Variants in HS3ST3B1 observed in about 807,000 individuals in gnomAD.
The protein encoded by HS3ST3B1 is heparan sulfate-glucosamine 3-sulfotransferase 3B1.
Under a neutral mutation model 21.3 loss-of-function variants are expected in HS3ST3B1, and 13 were observed. The observed-to-expected ratio is 0.61, with a 90% CI of 0.40 to 0.97. The LOEUF (loss-of-function observed/expected upper bound fraction) is 0.97, where lower values mean the gene tolerates loss of function less well. Among genes scored for constraint, HS3ST3B1 ranks in the 50% least tolerant of loss-of-function variants. The probability of loss-of-function intolerance (pLI) is 0.00; values close to 1 mark genes in which losing one functional copy is unlikely to be tolerated. For synonymous variants in HS3ST3B1, 234 were observed against 254.8 expected (o/e 0.92, Z 0.78); for missense variants, 459 against 554.8 (o/e 0.83, Z 1.73).
chr17:14,340,714 C>A (rs1015533498), intron 1 of HS3ST3B1, among the ~76,000 whole-genome samples: 3 of 152,126 alleles, frequency 2.0e-5, no homozygotes, highest in African/African-American at 7.2e-5. Context: ...TCCCGAGTAG[C>A]CAGGATTACA....
At chr17:14,326,026 TGTGTGTGTGCACGC>T (rs1909805516) in intron 1 of HS3ST3B1, among the ~76,000 whole-genome samples, 1 of 152,020 alleles carries the variant, frequency 6.6e-6, no homozygotes, top group African/African-American at 2.4e-5. Flanking sequence ...TGTGTACGTG[TGTGTGTGTGCACGC>T]ACGTGTGTGC....
intron 1 of HS3ST3B1, among the ~76,000 whole-genome samples, chr17:14,302,850 G>A (rs753335738): frequency 1.3e-5 from 2 of 152,242 alleles, no homozygotes; most frequent in Non-Finnish European, 2.9e-5. Flanking sequence ...TGCTGGGATA[G>A]GGAAAGCAAG....
chr17:14,332,198 C>G (rs756742737), intron 1 of HS3ST3B1, among the ~76,000 whole-genome samples: 39 of 152,092 alleles, frequency 2.6e-4, no homozygotes, highest in Non-Finnish European at 5.1e-4. Context: ...GTAGAAAGAG[C>G]CCAGGCTGTT....
intron 1 of HS3ST3B1, 65 bp downstream of exon 1, chr17:14,302,137 G>T (rs2142319219): frequency 3.3e-6 from 5 of 1,498,628 alleles, no homozygotes; most frequent in East Asian, 2.4e-5. Context: ...AGGGAGACAT[G>T]GCGTATGATA....
chr17:14,319,711 A>T (rs1358161933), intron 1 of HS3ST3B1, among the ~76,000 whole-genome samples: 6 of 152,118 alleles, frequency 3.9e-5, no homozygotes, highest in Non-Finnish European at 8.8e-5. Flanking sequence ...ACCAAGAGTG[A>T]GGGGGTAGAC....
intron 1 of HS3ST3B1, among the ~76,000 whole-genome samples, chr17:14,332,829 CTTTTT>C (rs71147859): frequency 0.03 from 2,768 of 91,094 alleles, 70 homozygotes; most frequent in South Asian, 0.12. Flanking sequence ...GACCTTTTAT[CTTTTT>C]TTTTTTTTTT....
At chr17:14,308,716 C>T (rs932244229) in intron 1 of HS3ST3B1, among the ~76,000 whole-genome samples, 2 of 152,134 alleles carry the variant, frequency 1.3e-5, no homozygotes, top group Admixed American at 1.3e-4. Flanking sequence ...GGTTTAACAT[C>T]AAGTTGATTG....
rs1910579661 is a variant in HS3ST3B1 at position 14,346,401 on chromosome 17, AC to A, written c.*757del. The A allele has an allele frequency of 6.6e-6, 1 of 151,828 alleles. No homozygotes were observed. The highest frequency in any genetic ancestry group is 2.1e-4 in the South Asian group (1 of 4,792). 9.4% of individuals were successfully genotyped at this position (151,828 alleles called of 1,614,324 possible). A position where few individuals can be genotyped will look rare whatever the true frequency, so the allele number is the denominator to read the frequency against. Reference sequence around the variant, plus strand: ...CAAGTATCTGGGATTACAGGCATGCACCACCATGCCTGGCTAATTTTGTATT... The same window carrying A: ...CAAGTATCTGGGATTACAGGCATGCACACCATGCCTGGCTAATTTTGTATT... On this transcript the variant is annotated 3_prime_UTR_variant, in exon 2 of 2. Coordinates refer to ENST00000360954, the MANE Select transcript of HS3ST3B1 (RefSeq NM_006041.3).
intron 1 of HS3ST3B1, among the ~76,000 whole-genome samples, chr17:14,333,856 G>A (rs775896254): frequency 2.0e-5 from 3 of 151,986 alleles, no homozygotes; most frequent in East Asian, 2.0e-4. Flanking sequence ...AACCTCTCCC[G>A]GGTTCAAGCG....
intron 1 of HS3ST3B1, among the ~76,000 whole-genome samples, chr17:14,309,489 C>A (rs1389453792): frequency 6.6e-6 from 1 of 151,934 alleles, no homozygotes; most frequent in Non-Finnish European, 1.5e-5. Context: ...GGTGGAGGGG[C>A]TGCGGAGAGA....
rs571435122 is a variant in HS3ST3B1, at chr17:14,323,096, C to T, written c.554+21024C>T. ...AATTTTTTTGTATCTTTTGTAGAGA[C>T]GGGGTTTCACCATGTTGGCCAGGCT... On this transcript the variant is annotated intron_variant, in intron 1 of 1. Coordinates refer to ENST00000360954, the MANE Select transcript of HS3ST3B1 (RefSeq NM_006041.3). Among the ~76,000 whole-genome samples the T allele has an allele frequency of 1.6e-3, 250 of 152,016 alleles. 2 individuals are homozygous for T. The highest frequency in any genetic ancestry group is 6.8e-3 in the Middle Eastern group (2 of 294).
intron 1 of HS3ST3B1, among the ~76,000 whole-genome samples, chr17:14,332,480 C>T (rs1422321143): frequency 6.6e-6 from 1 of 152,038 alleles, no homozygotes; most frequent in Admixed American, 6.6e-5. Context: ...CTCTACCCTC[C>T]CCCATTCGCA....
rs71352467 is a variant in HS3ST3B1 at position 14,346,247 on chromosome 17, C to CTTTTTTTTTTTTTTTTTTTTT, written c.*603_*623dup. ...AGGGACATCCACATCCTTTTTTTTT[C>CTTTTTTTTTTTTTTTTTTTTT]TTTTTTTTTTTTTTTTTTTTTTGAG... On this transcript the variant is annotated 3_prime_UTR_variant, in exon 2 of 2. Coordinates refer to ENST00000360954, the MANE Select transcript of HS3ST3B1 (RefSeq NM_006041.3). 1.1e-5 allele frequency: 1 copy of CTTTTTTTTTTTTTTTTTTTTT among 90,338 alleles called. No homozygotes were observed. Among genetic ancestry groups the CTTTTTTTTTTTTTTTTTTTTT allele is most frequent in the Non-Finnish European group, 2.0e-5 (1 of 50,806 alleles). 5.6% of individuals were successfully genotyped at this position (90,338 alleles called of 1,614,324 possible).
Position 14,322,898 on chromosome 17 carries a change from C to CTT in HS3ST3B1, c.554+20847_554+20848dup, listed in dbSNP as rs34065582. Reference sequence around the variant, plus strand: ...TGAGAAGCGAGATTTGTGTCTATGTCTTTTTTTTTTTTTTTTTTTTTTGTT... The same window carrying CTT: ...TGAGAAGCGAGATTTGTGTCTATGTCTTTTTTTTTTTTTTTTTTTTTTTTGTT... On this transcript the variant is annotated intron_variant, in intron 1 of 1. Coordinates refer to ENST00000360954, the MANE Select transcript of HS3ST3B1 (RefSeq NM_006041.3). 1.4e-3 allele frequency among the ~76,000 whole-genome samples: 131 copies of CTT among 94,572 alleles called. 1 individual carries two copies. The highest frequency in any genetic ancestry group is 1.5e-3 in the Non-Finnish European group (68 of 46,094). 62.0% of individuals were successfully genotyped at this position (94,572 alleles called of 152,430 possible). A position where few individuals can be genotyped will look rare whatever the true frequency, so the allele number is the denominator to read the frequency against.
At chr17:14,305,536 T>C (rs1909105660) in intron 1 of HS3ST3B1, 1 of 152,244 alleles carries the variant, frequency 6.6e-6, no homozygotes, top group Non-Finnish European at 1.5e-5. Flanking sequence ...TACTTAAGTG[T>C]TGGTAGATAT....
In HS3ST3B1 at chr17:14,313,089, G is replaced by T. The variant is rs182569084; in HGVS notation, c.554+11017G>T. 1.8e-3 allele frequency among the ~76,000 whole-genome samples: 149 copies of T among 82,000 alleles called. 1 individual carries two copies. Among genetic ancestry groups the T allele is most frequent in the African/African-American group, 6.7e-3 (129 of 19,244 alleles). 53.8% of individuals were successfully genotyped at this position (82,000 alleles called of 152,430 possible). On this transcript the variant is annotated intron_variant, in intron 1 of 1. Coordinates refer to ENST00000360954, the MANE Select transcript of HS3ST3B1 (RefSeq NM_006041.3). ...ACCCAGCTAATTATTGTGTGTGTGTGTGTGGTGTGTGTGTGTGTGTATATA... is the reference window on the plus strand; with the variant it reads ...ACCCAGCTAATTATTGTGTGTGTGTTTGTGGTGTGTGTGTGTGTGTATATA...
intron 1 of HS3ST3B1, among the ~76,000 whole-genome samples, chr17:14,333,918 A>G (rs541464106): frequency 1.3e-5 from 2 of 152,310 alleles, no homozygotes; most frequent in East Asian, 3.9e-4. Flanking sequence ...ATGTGCCACC[A>G]CGACCAGCTA....
chr17:14,328,286 T>G (rs1418678123), intron 1 of HS3ST3B1: 3 of 152,224 alleles, frequency 2.0e-5, no homozygotes, highest in Admixed American at 6.5e-5. Context: ...CAAGGCAGGT[T>G]GGACTCTGTA....
intron 1 of HS3ST3B1, among the ~76,000 whole-genome samples, chr17:14,311,396 GC>G (rs1399716537): frequency 1.3e-5 from 2 of 152,124 alleles, no homozygotes; most frequent in Non-Finnish European, 2.9e-5. Context: ...TATTTTTAGA[GC>G]CGTTTTAGGT....
Sources: gnomAD v4.1 joint callset for allele counts (sites outside exome capture counted in the v4.1 genomes callset) on GRCh38, gnomAD v4.1.1 for gene constraint, MANE v1.5 for transcripts, NCBI Gene and HGNC (gene_info 2026-07-23, HGNC 2026-07-21) for gene names.